The following RERE variants were observed in gnomAD, a reference collection of about 807,000 sequenced individuals.
The protein encoded by RERE is arginine-glutamic acid dipeptide repeats protein.
A neutral mutation model predicts 146.1 loss-of-function variants in RERE; 40 were observed. That is an observed-to-expected ratio of 0.27 (90% CI 0.21 to 0.36). The LOEUF (loss-of-function observed/expected upper bound fraction) is 0.36. Among genes scored for constraint, RERE ranks in the 10% least tolerant of loss-of-function variants. The pLI is 1.00. For missense variants in RERE, 1,933 were observed against 2,138.7 expected (o/e 0.90, Z 1.90); for synonymous variants, 1,003 against 866.0 (o/e 1.16, Z -2.78).
intron 1 of RERE, among the ~76,000 whole-genome samples, chr1:8,750,272 T>C (rs969555680): frequency 6.6e-6 from 1 of 151,872 alleles, no homozygotes; most frequent in African/African-American, 2.4e-5. Context: ...ATGTGTTCAA[T>C]AAATGAATGC....
chr1:8,562,477 AGTTTGTTTGTTT>A (rs59739710), intron 4 of RERE, among the ~76,000 whole-genome samples: 8 of 150,854 alleles, frequency 5.3e-5, no homozygotes, highest in East Asian at 3.9e-4. Context: ...ACTTCTCACC[AGTTTGTTTGTTT>A]GTTTGTTTGT....
chr1:8,386,995 A>C (rs928887494), intron 12 of RERE, among the ~76,000 whole-genome samples: 1 of 152,222 alleles, frequency 6.6e-6, no homozygotes, highest in African/African-American at 2.4e-5. Flanking sequence ...AGACAAGCTG[A>C]TTTTAAAAAT....
rs74729508 is a variant in RERE, at chr1:8,495,683, T to C, written c.1005-521A>G. 5.6e-3 allele frequency among the ~76,000 whole-genome samples: 848 copies of C among 152,348 alleles called. 2 individuals are homozygous for C. The highest frequency in any genetic ancestry group is 9.4e-3 in the Non-Finnish European group (642 of 68,024). ...TTACTTTTAGTCAGATCCATTTGTA[T>C]TGTTTCTTCCCACGTTTTAGCAGTA... On this transcript the variant is annotated intron_variant, in intron 9 of 22. Transcript: ENST00000400908.
intron 2 of RERE, among the ~76,000 whole-genome samples, chr1:8,645,760 C>T (rs188132349): frequency 6.6e-6 from 1 of 152,278 alleles, no homozygotes; most frequent in African/African-American, 2.4e-5. Flanking sequence ...TATCACTTCC[C>T]ATTTCTCTAA....
Position 8,687,875 on chromosome 1 carries a change from A to G in RERE, c.-144-31434T>C, listed in dbSNP as rs1001021186. 2.6e-5 allele frequency among the ~76,000 whole-genome samples: 4 copies of G among 152,252 alleles called. No homozygotes were observed. In the South Asian group the frequency reaches 8.3e-4, roughly 31 times the overall value. On this transcript the variant is annotated intron_variant, in intron 1 of 22. Coordinates refer to ENST00000400908, the MANE Select transcript of RERE (RefSeq NM_001042681.2). The stretch of plus-strand genomic sequence containing the variant: ...ATCTTATATTCTTATTCACAGAAGT[A>G]CAAATTTAGTTTTAGTTTAGTTATA...
At position 8,729,327 on chromosome 1, in the gene RERE, T is replaced by A. The variant is rs1376390736; in HGVS notation, c.-144-72886A>T. Among the ~76,000 whole-genome samples, 3 of 149,676 alleles carry A rather than the reference T, an allele frequency of 2.0e-5. No individual in the cohort carries two copies. In the Admixed American group the frequency reaches 2.0e-4, roughly 10 times the overall value. ...CAACCTCTGCCTCCCTGGTTTCAAGTGATTCTCCTGCCTCAGCCTCCCAAG... is the reference window on the plus strand; with the variant it reads ...CAACCTCTGCCTCCCTGGTTTCAAGAGATTCTCCTGCCTCAGCCTCCCAAG... On this transcript the variant is annotated intron_variant, in intron 1 of 22. Transcript: ENST00000400908.
In RERE at chr1:8,614,644, A is replaced by C. The variant is rs1570515580; in HGVS notation, c.439T>G (p.Leu147Val). 2.5e-6 allele frequency: 4 copies of C among 1,612,976 alleles called. No individual in the cohort carries two copies. The highest frequency in any genetic ancestry group is 1.3e-5 in the African/African-American group (1 of 74,978). The part of the protein sequence containing the change: ...QACCRSPTPA[L>V]CDPPACSLPV... ...AGAGAGCATGCTGGGGGGTCACACA[A>C]AGCAGGAGTTGGAGATCTGCAACAG... is the stretch of plus-strand genomic sequence containing the variant. The change falls in exon 4 of 23, where the codon TTG (leucine) becomes GTG (valine). Residue 147 changes from leucine to valine, a missense_variant. This residue lies in a region of RERE where 74 missense variants were observed against 99.6 expected (regional missense o/e 0.74). Transcript: ENST00000400908.
chr1:8,484,969 T>C (rs1465614705), intron 10 of RERE, among the ~76,000 whole-genome samples: 1 of 152,226 alleles, frequency 6.6e-6, no homozygotes, highest in Non-Finnish European at 1.5e-5. Flanking sequence ...TCCTGAACTA[T>C]CTGCCAGTTC....
At chr1:8,554,209 C>G (rs1182875220) in intron 6 of RERE, among the ~76,000 whole-genome samples, 1 of 152,080 alleles carries the variant, frequency 6.6e-6, no homozygotes, top group East Asian at 1.9e-4. Context: ...CTACAAATCT[C>G]AATACCAATG....
chr1:8,477,186 C>T (rs955623971), intron 10 of RERE, among the ~76,000 whole-genome samples: 5 of 152,064 alleles, frequency 3.3e-5, no homozygotes, highest in Non-Finnish European at 7.4e-5. Context: ...TTTATAAATG[C>T]GAGATCAGCC....
At chr1:8,705,113 TTTTTC>T (rs1344787270) in intron 1 of RERE, among the ~76,000 whole-genome samples, 2 of 152,226 alleles carry the variant, frequency 1.3e-5, no homozygotes, top group African/African-American at 4.8e-5. Context: ...AAGAATTTCT[TTTTTC>T]TTTTCTACAG....
chr1:8,779,432 T>A (rs898800707), intron 1 of RERE, among the ~76,000 whole-genome samples: 5 of 151,624 alleles, frequency 3.3e-5, no homozygotes, highest in Non-Finnish European at 7.4e-5. Context: ...GGAGGCAAGG[T>A]GGGTGGATCA....
intron 3 of RERE, among the ~76,000 whole-genome samples, chr1:8,616,749 G>A (rs114722595): frequency 0.015 from 2,319 of 152,308 alleles, 61 homozygotes; most frequent in African/African-American, 0.053. Context: ...CACAGTAGTA[G>A]TTAAACACTA....
chr1:8,482,620 T>C (rs1644849621), intron 10 of RERE, among the ~76,000 whole-genome samples: 1 of 137,208 alleles, frequency 7.3e-6, no homozygotes, highest in Non-Finnish European at 1.5e-5. Context: ...AGTTGGAGCT[T>C]GCAGTGAGCC....
chr1:8,612,285 C>A (rs1646801960), intron 4 of RERE, among the ~76,000 whole-genome samples: 1 of 152,208 alleles, frequency 6.6e-6, no homozygotes, highest in Admixed American at 6.5e-5. Context: ...TGTATTAGAT[C>A]TGTGTGCCTT....
chr1:8,363,211 C>T (rs529946116), intron 15 of RERE, among the ~76,000 whole-genome samples: 11 of 152,222 alleles, frequency 7.2e-5, no homozygotes, highest in East Asian at 1.9e-4. Flanking sequence ...TCCTCATAAC[C>T]GTCCATTCTC....
At chr1:8,526,467 T>C (rs1645572628) in intron 7 of RERE, among the ~76,000 whole-genome samples, 1 of 152,136 alleles carries the variant, frequency 6.6e-6, no homozygotes, top group Non-Finnish European at 1.5e-5. Context: ...AAATTTCTTT[T>C]TGAAACTCTA....
intron 2 of RERE, among the ~76,000 whole-genome samples, chr1:8,632,300 C>T (rs1647045116): frequency 6.6e-6 from 1 of 152,206 alleles, no homozygotes; most frequent in African/African-American, 2.4e-5. Context: ...TCTGGTGTCA[C>T]ATCCTGCAGC....
At chr1:8,674,021 A>T (rs1161558157) in intron 1 of RERE, among the ~76,000 whole-genome samples, 1 of 152,220 alleles carries the variant, frequency 6.6e-6, no homozygotes, top group Non-Finnish European at 1.5e-5. Context: ...CAACAGAATA[A>T]GACCTATCTC....
Sources: allele counts gnomAD v4.1 joint callset (sites outside exome capture counted in the v4.1 genomes callset), GRCh38; gene constraint gnomAD v4.1.1; regional missense constraint gnomAD v4.1.1; transcripts MANE v1.5; gene names NCBI Gene and HGNC (gene_info 2026-07-23, HGNC 2026-07-21).